FAM151A: variants seen among roughly 807,000 people sequenced by gnomAD.
The protein encoded by FAM151A is family with sequence similarity 151 member A.
A neutral mutation model predicts 40.4 loss-of-function variants in FAM151A; 41 were observed. The observed-to-expected ratio is 1.01, with a 90% CI of 0.79 to 1.32. The LOEUF (loss-of-function observed/expected upper bound fraction) is 1.32. Ranked by LOEUF, FAM151A falls within the 40% of genes most tolerant of loss-of-function variation. The probability of loss-of-function intolerance (pLI) is 0.00; values close to 1 mark genes in which losing one functional copy is unlikely to be tolerated. For synonymous variants in FAM151A, 337 were observed against 312.5 expected (o/e 1.08, Z -0.83); for missense variants, 740 against 740.4 (o/e 1.00, Z 0.01).
At position 54,609,272 on chromosome 1, in the gene FAM151A, T is replaced by C. The variant is rs773193581; in HGVS notation, c.1754A>G (p.Asn585Ser). The C allele has an allele frequency of 3.1e-6, 5 of 1,603,428 alleles. No homozygotes were observed. In the East Asian group the frequency reaches 1.1e-4, roughly 36 times the overall value. Residue 585 changes from asparagine to serine, a missense_variant, in exon 8 of 8, where the codon AAC becomes AGC. Transcript: ENST00000302250. ...HKDLLAHVGR[N>S] ...TGGCCCACCACCCCTGGGTGCTCAG[T>C]TTCTACCAACATGAGCCAGCAAGTC...
At chr1:54,615,761 C>T (rs953263992) in intron 3 of FAM151A, among the ~76,000 whole-genome samples, 4 of 152,170 alleles carry the variant, frequency 2.6e-5, no homozygotes, top group African/African-American at 7.2e-5. Context: ...TGAGCATGCG[C>T]GGCACTTTGC....
At chr1:54,623,131 C>T (rs1388294612) in intron 1 of FAM151A, 147 bp downstream of exon 1, 9 of 585,542 alleles carry the variant, frequency 1.5e-5, no homozygotes, top group African/African-American at 1.3e-4. Flanking sequence ...AGCCGAGAAT[C>T]GTGCCATTGT....
Position 54,616,198 on chromosome 1 carries a change from A to C in FAM151A, c.263-26T>G, listed in dbSNP as rs374448819. On this transcript the variant is annotated intron_variant, in intron 2 of 7. Coordinates refer to ENST00000302250, the MANE Select transcript of FAM151A (RefSeq NM_176782.3). ...CTGTGGAAGGGGCAACAACTCAGTGAGTTCCTTTTTTTAAAAAAAGAAAAC... is the reference window on the plus strand; with the variant it reads ...CTGTGGAAGGGGCAACAACTCAGTGCGTTCCTTTTTTTAAAAAAAGAAAAC... The C allele has an allele frequency of 2.5e-6, 4 of 1,573,596 alleles. No homozygotes were observed. The African/African-American group carries it at 5.5e-5, about 22-fold the overall frequency.
At chr1:54,622,937 G>A (rs1164331399) in intron 1 of FAM151A, among the ~76,000 whole-genome samples, 1 of 152,078 alleles carries the variant, frequency 6.6e-6, no homozygotes, top group Non-Finnish European at 1.5e-5. Flanking sequence ...CACTTTGAGA[G>A]GCTGAGGCAG....
intron 5 of FAM151A, among the ~76,000 whole-genome samples, 173 bp downstream of exon 5, chr1:54,612,313 G>A (rs562635486): frequency 6.6e-6 from 1 of 151,956 alleles, no homozygotes; most frequent in East Asian, 2.0e-4. Context: ...GAGGTAGTGA[G>A]TAGCCCGTCA....
intron 3 of FAM151A, among the ~76,000 whole-genome samples, chr1:54,615,644 T>G (rs1488742317): frequency 6.6e-6 from 1 of 151,642 alleles, no homozygotes; most frequent in Non-Finnish European, 1.5e-5. Flanking sequence ...GGCATTATGG[T>G]GACGCCTGGA....
chr1:54,610,087 GTGGATGGGT>G, intron 7 of FAM151A, 146 bp from the exon 8 acceptor site: 2 of 1,435,586 alleles, frequency 1.4e-6, no homozygotes, highest in South Asian at 3.0e-5. Flanking sequence ...TGGGCTCCAG[GTGGATGGGT>G]TGCTTTATAA....
At chr1:54,614,946 GT>G in intron 3 of FAM151A, 87 bp from the exon 4 acceptor site, 1 of 1,279,304 alleles carries the variant, frequency 7.8e-7, no homozygotes, top group Non-Finnish European at 1.1e-6. Flanking sequence ...GCGGGTGTGT[GT>G]GTGTGTGCAT....
At chr1:54,618,842 ATC>A (rs532995905) in intron 2 of FAM151A, among the ~76,000 whole-genome samples, 167 of 152,198 alleles carry the variant, frequency 1.1e-3, no homozygotes, top group African/African-American at 3.9e-3. Context: ...AGGTTATTTG[ATC>A]TTTTTTTGCC....
Position 54,612,506 on chromosome 1 carries a change from C to T in FAM151A, c.780G>A (p.Trp260Ter). The T allele has an allele frequency of 6.2e-7, 1 of 1,613,748 alleles. No homozygotes were observed. The highest frequency in any genetic ancestry group is 8.5e-7 in the Non-Finnish European group (1 of 1,179,832). Residue 260 changes from tryptophan to a stop codon, truncating the protein, a stop_gained, in exon 5 of 8, where the codon TGG (tryptophan) becomes TGA (stop). Coordinates refer to ENST00000302250, the MANE Select transcript of FAM151A (RefSeq NM_176782.3). LOFTEE classifies it high-confidence loss of function. ...MVRAAWPHFS[W>*]LLSQSERYSL... Reference sequence around the variant, plus strand: ...TTCACCTCTCAGATTGGCTCAGCAGCCAGCTGAAGTGGGGCCAGGCAGCCC... The same window carrying T: ...TTCACCTCTCAGATTGGCTCAGCAGTCAGCTGAAGTGGGGCCAGGCAGCCC...
chr1:54,620,997 T>C (rs1367226454), intron 1 of FAM151A, among the ~76,000 whole-genome samples: 1 of 149,880 alleles, frequency 6.7e-6, no homozygotes, highest in Non-Finnish European at 1.5e-5. Flanking sequence ...CCATCTCTAC[T>C]AAAAATACAA....
chr1:54,611,863 G>GC (rs924465182), intron 5 of FAM151A, 118 bp from the exon 6 acceptor site: 2 of 1,165,370 alleles, frequency 1.7e-6, no homozygotes, highest in African/African-American at 3.1e-5. Flanking sequence ...TCCTCCAGTC[G>GC]CCCACCTGCC....
At chr1:54,612,880 G>C (rs1486926723) in intron 4 of FAM151A, among the ~76,000 whole-genome samples, 170 bp from the exon 5 acceptor site, 1 of 152,146 alleles carries the variant, frequency 6.6e-6, no homozygotes, top group Non-Finnish European at 1.5e-5. Flanking sequence ...TAAATTGGGC[G>C]TGGACTTTGG....
In FAM151A at chr1:54,616,070, T is replaced by C; in HGVS notation, c.365A>G (p.Asp122Gly). The change falls in exon 3 of 8, where the codon GAC (aspartate) becomes GGC (glycine). Residue 122 changes from aspartate (D) to glycine (G), a missense_variant. Coordinates refer to ENST00000302250, the MANE Select transcript of FAM151A (RefSeq NM_176782.3). ...GTCCAGCCACTGCTCCAGTGTGTTG[T>C]CACTGTAGATAGTGGGGGGGTGTGC... ...IMAHPPTIYS[D>G]NTLEQWLDAV... is the part of the protein sequence containing the mutation. 6.2e-7 allele frequency: 1 copy of C among 1,614,158 alleles called. No homozygotes were observed. The highest frequency in any genetic ancestry group is 8.5e-7 in the Non-Finnish European group (1 of 1,180,026).
rs111738675 is a variant in FAM151A at position 54,622,568 on chromosome 1, CA to C, written c.118+709del. ...CTGGCGACAGAGAGAGACTCCGTTT[CA>C]AAAAAAAAAACCACAAAAAATTAGC... On this transcript the variant is annotated intron_variant, in intron 1 of 7. Transcript: ENST00000302250. Among the ~76,000 whole-genome samples the C allele has an allele frequency of 6.0e-3, 840 of 140,236 alleles. 4 individuals carry two copies. Among genetic ancestry groups the C allele is most frequent in the African/African-American group, 0.02 (762 of 38,460 alleles). The allele number at this position is 140,236 out of a possible 152,430, so 92.0% of individuals were successfully genotyped here.
At chr1:54,622,102 C>T (rs1273719992) in intron 1 of FAM151A, among the ~76,000 whole-genome samples, 5 of 148,340 alleles carry the variant, frequency 3.4e-5, no homozygotes, top group South Asian at 2.2e-4. Context: ...GGTGAAACCC[C>T]GTCTCTAGTA....
At position 54,609,330 on chromosome 1, in the gene FAM151A, C is replaced by T. The variant is rs1225145559; in HGVS notation, c.1696G>A (p.Val566Ile). Residue 566 changes from valine to isoleucine, a missense_variant, in exon 8 of 8, where the codon GTC becomes ATC. By Grantham distance (29) the Val-to-Ile change is conservative. Coordinates refer to ENST00000302250, the MANE Select transcript of FAM151A (RefSeq NM_176782.3). ...TAGCCCTGGGGTAGCCTGTAGTAGA[C>T]TCGGGTCCTGTCCACAGCCCTAGCT... ...LAARAVDRTRVYYRLPQGYHK... is the reference protein window; with the variant it reads ...LAARAVDRTRIYYRLPQGYHK... 6.2e-7 allele frequency: 1 copy of T among 1,613,678 alleles called. No homozygotes were observed. Among genetic ancestry groups the T allele is most frequent in the Admixed American group, 1.7e-5 (1 of 60,002 alleles).
chr1:54,622,453 C>T (rs374103541), intron 1 of FAM151A, among the ~76,000 whole-genome samples: 3 of 152,070 alleles, frequency 2.0e-5, no homozygotes, highest in Non-Finnish European at 4.4e-5. Context: ...TGGCGCACGC[C>T]TGTAGTCCCA....
chr1:54,615,861 C>T (rs1644167381), intron 3 of FAM151A, among the ~76,000 whole-genome samples, 159 bp downstream of exon 3: 3 of 152,210 alleles, frequency 2.0e-5, no homozygotes, highest in Admixed American at 2.0e-4. Context: ...TCGCCTAGTC[C>T]TCACTGAGCC....
Sources: allele counts gnomAD v4.1 joint callset (sites outside exome capture counted in the v4.1 genomes callset), GRCh38; gene constraint gnomAD v4.1.1; transcripts MANE v1.5; gene names NCBI Gene and HGNC (gene_info 2026-07-23, HGNC 2026-07-21).